CSMD1: variants seen among roughly 807,000 people sequenced by gnomAD.
CSMD1 encodes the protein CUB and sushi domain-containing protein 1.
Under a neutral mutation model 417.5 loss-of-function variants are expected in CSMD1, and 213 were observed. That is an observed-to-expected ratio of 0.51 (90% CI 0.46 to 0.57). CSMD1 has a LOEUF of 0.57. Among genes scored for constraint, CSMD1 ranks in the 20% least tolerant of loss-of-function variants. The pLI is 0.00. For synonymous variants in CSMD1, 2,862 were observed against 1,736.8 expected (o/e 1.65, Z -16.11); for missense variants, 6,923 against 4,529.7 (o/e 1.53, Z -15.17).
chr8:3,270,034 C>G (rs7009452), intron 26 of CSMD1, among the ~76,000 whole-genome samples: 6,688 of 142,754 alleles, frequency 0.047, 509 homozygotes, highest in African/African-American at 0.16. Context: ...CAAGGACTTT[C>G]TCTAACCTCT....
chr8:4,752,444 C>A (rs2117054979), intron 1 of CSMD1, among the ~76,000 whole-genome samples: 1 of 152,232 alleles, frequency 6.6e-6, no homozygotes, highest in South Asian at 2.1e-4. Context: ...TTCATAAAAC[C>A]TTAGGTACTA....
chr8:3,242,841 G>C (rs1018676035), intron 26 of CSMD1, among the ~76,000 whole-genome samples: 1 of 151,578 alleles, frequency 6.6e-6, no homozygotes, highest in Non-Finnish European at 1.5e-5. Flanking sequence ...AGATATAAGA[G>C]GTCAGGGCGC....
intron 2 of CSMD1, among the ~76,000 whole-genome samples, chr8:4,558,534 G>A (rs1005994692): frequency 3.3e-5 from 5 of 152,078 alleles, no homozygotes; most frequent in African/African-American, 9.7e-5. Flanking sequence ...GGAAGACTCC[G>A]AAAGCAAGTA....
At chr8:3,211,118 C>T (rs1371977046) in intron 30 of CSMD1, among the ~76,000 whole-genome samples, 2 of 152,252 alleles carry the variant, frequency 1.3e-5, no homozygotes, top group East Asian at 3.9e-4. Context: ...AGTCACGGCT[C>T]ACTGCAGCCT....
chr8:4,245,301 G>C (rs1266972174), intron 3 of CSMD1, among the ~76,000 whole-genome samples: 7 of 152,138 alleles, frequency 4.6e-5, no homozygotes, highest in African/African-American at 1.7e-4. Flanking sequence ...AACAAACACT[G>C]CATAAAAGTA....
At chr8:3,229,916 C>T (rs1000250336) in intron 27 of CSMD1, 124 bp downstream of exon 27, 2 of 678,424 alleles carry the variant, frequency 2.9e-6, no homozygotes, top group African/African-American at 1.8e-5. Flanking sequence ...TCTCAGAGAG[C>T]CAGAGAACAT....
chr8:3,176,161 A>G (rs538865115), intron 37 of CSMD1, among the ~76,000 whole-genome samples: 23 of 152,314 alleles, frequency 1.5e-4, no homozygotes, highest in African/African-American at 4.8e-4. Flanking sequence ...AGAAGGCCTG[A>G]AAGTGAAAAA....
rs550836193 is a variant in CSMD1, at chr8:4,061,305, G to A, written c.416-29206C>T. Among the ~76,000 whole-genome samples the A allele has an allele frequency of 1.1e-3, 166 of 152,220 alleles. 2 individuals are homozygous for A. The highest frequency in any genetic ancestry group is 3.8e-3 in the African/African-American group (156 of 41,538). The stretch of plus-strand genomic sequence containing the variant: ...CAGAGAGGTACATCTTATCATACAA[G>A]AATTTCTTTAACAAGGAACCACTAA... On this transcript the variant is annotated intron_variant, in intron 3 of 69. Transcript: ENST00000635120.
chr8:3,129,908 G>T (rs1007215693), intron 41 of CSMD1, among the ~76,000 whole-genome samples: 3 of 152,060 alleles, frequency 2.0e-5, no homozygotes, highest in South Asian at 2.1e-4. Flanking sequence ...CTGAGCCCGG[G>T]GGGCGGAGGT....
chr8:4,573,242 T>G (rs1015282560), intron 2 of CSMD1, among the ~76,000 whole-genome samples: 3 of 152,226 alleles, frequency 2.0e-5, no homozygotes, highest in African/African-American at 7.2e-5. Flanking sequence ...TGGTTTTTCC[T>G]CATCTTTGTG....
At chr8:3,282,548 C>CA (rs5888957) in intron 26 of CSMD1, among the ~76,000 whole-genome samples, 114,067 of 151,794 alleles carry the variant, frequency 0.75, 43,261 homozygotes, top group Admixed American at 0.84. Flanking sequence ...TATATCACAA[C>CA]AAAAAACAAG....
chr8:4,055,114 T>G (rs7835121), intron 3 of CSMD1, among the ~76,000 whole-genome samples: 1 of 152,188 alleles, frequency 6.6e-6, no homozygotes, highest in Admixed American at 6.5e-5. Context: ...TTGAGCTTTG[T>G]GTAGTAGATG....
intron 1 of CSMD1, among the ~76,000 whole-genome samples, chr8:4,858,862 T>G (rs1234179468): frequency 6.7e-6 from 1 of 149,526 alleles, no homozygotes; most frequent in African/African-American, 2.5e-5. Context: ...ACAGATTCAA[T>G]GCCATCCCCA....
chr8:4,904,371 T>A (rs1805097864), intron 1 of CSMD1, among the ~76,000 whole-genome samples: 1 of 152,220 alleles, frequency 6.6e-6, no homozygotes, highest in Non-Finnish European at 1.5e-5. Flanking sequence ...AAGGTTGGGT[T>A]TTAAATTTCT....
intron 6 of CSMD1, among the ~76,000 whole-genome samples, chr8:3,740,190 C>A (rs1226401105): frequency 6.6e-6 from 1 of 152,150 alleles, no homozygotes; most frequent in Non-Finnish European, 1.5e-5. Context: ...ACTGCAACCC[C>A]CACCTCCCAG....
chr8:3,813,601 G>C (rs747520027), intron 5 of CSMD1, among the ~76,000 whole-genome samples: 1 of 152,036 alleles, frequency 6.6e-6, no homozygotes, highest in Non-Finnish European at 1.5e-5. Flanking sequence ...ATTTTAAAAA[G>C]AAATTCTTCA....
chr8:3,296,015 T>C (rs1294176991), intron 25 of CSMD1, among the ~76,000 whole-genome samples: 1 of 151,816 alleles, frequency 6.6e-6, no homozygotes, highest in Non-Finnish European at 1.5e-5. Flanking sequence ...GCATCCACAA[T>C]AATACAGGGA....
intron 49 of CSMD1, among the ~76,000 whole-genome samples, chr8:3,071,405 G>A (rs1177792829): frequency 6.6e-6 from 1 of 152,138 alleles, no homozygotes; most frequent in Non-Finnish European, 1.5e-5. Flanking sequence ...AATGAATGCA[G>A]GGCTTAAAAC....
At chr8:4,916,457 G>T (rs1436619816) in intron 1 of CSMD1, among the ~76,000 whole-genome samples, 3 of 152,206 alleles carry the variant, frequency 2.0e-5, no homozygotes, top group Non-Finnish European at 4.4e-5. Flanking sequence ...GTTTGTCAGG[G>T]AAGATGGTTT....
Sources: allele counts gnomAD v4.1 joint callset (sites outside exome capture counted in the v4.1 genomes callset), GRCh38; gene constraint gnomAD v4.1.1; transcripts MANE v1.5; gene names NCBI Gene and HGNC (gene_info 2026-07-23, HGNC 2026-07-21).